N4BP2: variants seen among roughly 807,000 people sequenced by gnomAD.
N4BP2 encodes NEDD4 binding protein 2.
N4BP2 carries 91 observed loss-of-function variants against 152.8 expected under a neutral mutation model. The ratio of observed to expected loss-of-function variants is 0.60; its 90% CI spans 0.50 to 0.71. The LOEUF is 0.71. N4BP2 is among the 30% of genes least tolerant of loss of function. The pLI, the probability that N4BP2 is intolerant of heterozygous loss-of-function variation, is 0.00. For missense variants in N4BP2, 1,923 were observed against 2,059.1 expected, an observed-to-expected ratio of 0.93 and a Z score of 1.28; for synonymous variants, 646 against 705.3, an observed-to-expected ratio of 0.92 and a Z score of 1.33.
In N4BP2 at chr4:40,124,214, C is replaced by T. The variant is rs751675757; in HGVS notation, c.4330+9C>T. On this transcript the variant is annotated intron_variant, in intron 11 of 17. Transcript: ENST00000261435. ...TGGCAAGTTTATGCAAGGTAAAGCA[C>T]ATGTTTTTATTTCTAATGTCTTAAT... 2 of 1,594,258 alleles carry T rather than the reference C, an allele frequency of 1.3e-6. No homozygotes were observed. Among genetic ancestry groups the T allele is most frequent in the Non-Finnish European group, 1.7e-6 (2 of 1,166,100 alleles).
chr4:40,087,831 C>CT (rs1476039616), intron 2 of N4BP2, among the ~76,000 whole-genome samples: 2 of 151,916 alleles, frequency 1.3e-5, no homozygotes, highest in Non-Finnish European at 2.9e-5. Flanking sequence ...ACTGCAACCT[C>CT]TGTCTCCTGG....
intron 2 of N4BP2, among the ~76,000 whole-genome samples, chr4:40,081,720 A>G (rs1337113634): frequency 6.6e-6 from 1 of 152,166 alleles, no homozygotes; most frequent in Non-Finnish European, 1.5e-5. Flanking sequence ...TCATGCCTTT[A>G]ATCCCAGCAT....
At chr4:40,165,856 T>C in the N4BP2 span, among the ~76,000 whole-genome samples, 1 of 152,234 alleles carries the variant, frequency 6.6e-6, no homozygotes, top group African/African-American at 2.4e-5. Flanking sequence ...TCTTTCTGTC[T>C]TCCATTCTTA....
At chr4:40,122,386 T>G in intron 9 of N4BP2, 77 bp downstream of exon 9, 1 of 1,032,012 alleles carries the variant, frequency 9.7e-7, no homozygotes, top group Non-Finnish European at 1.4e-6. Context: ...TATTTTTTTT[T>G]TTTCTGAGAT....
Position 40,149,541 on chromosome 4 carries a change from T to C in N4BP2, c.5144-3239T>C, listed in dbSNP as rs566137569. ...GATGAATATGCTAAAAACCGCTTAA[T>C]TGCATATTTTAAAATGGTTAGTTTT... On this transcript the variant is annotated intron_variant, in intron 16 of 17. Coordinates refer to ENST00000261435, the MANE Select transcript of N4BP2 (RefSeq NM_018177.6). Among the ~76,000 whole-genome samples the C allele has an allele frequency of 7.2e-4, 109 of 152,286 alleles. 1 individual carries two copies. Among genetic ancestry groups the C allele is most frequent in the Admixed American group, 5.9e-3 (90 of 15,290 alleles).
chr4:40,169,704 C>T, the N4BP2 span, among the ~76,000 whole-genome samples: 12,731 of 149,048 alleles, frequency 0.085, 769 homozygotes, highest in East Asian at 0.26. Flanking sequence ...GTGGCTCTCG[C>T]TTGTAATCCC....
At chr4:40,084,210 C>T (rs1249481487) in intron 2 of N4BP2, among the ~76,000 whole-genome samples, 1 of 152,206 alleles carries the variant, frequency 6.6e-6, no homozygotes, top group African/African-American at 2.4e-5. Flanking sequence ...CTTGGCCTCT[C>T]AAAGTACTGG....
intron 11 of N4BP2, 115 bp downstream of exon 11, chr4:40,124,320 T>G (rs1202075106): frequency 1.7e-6 from 1 of 583,602 alleles, no homozygotes; most frequent in Non-Finnish European, 3.0e-6. Flanking sequence ...AATTTTGATT[T>G]GCAAATAAAA....
intron 3 of N4BP2, among the ~76,000 whole-genome samples, chr4:40,098,945 T>A (rs1715355846): frequency 6.6e-6 from 1 of 152,242 alleles, no homozygotes; most frequent in Admixed American, 6.5e-5. Context: ...TCTGTATTTT[T>A]AATGGGTTTC....
At chr4:40,128,053 T>C (rs912710870) in intron 12 of N4BP2, among the ~76,000 whole-genome samples, 1 of 152,218 alleles carries the variant, frequency 6.6e-6, no homozygotes, top group African/African-American at 2.4e-5. Context: ...TCACTTTGAA[T>C]TTTATTTTTG....
At chr4:40,090,456 A>G (rs565384279) in intron 2 of N4BP2, among the ~76,000 whole-genome samples, 11 of 152,222 alleles carry the variant, frequency 7.2e-5, no homozygotes, top group African/African-American at 2.2e-4. Context: ...TTGTTTTCTT[A>G]GATTTATACC....
At chr4:40,113,219 A>G (rs945301307) in intron 6 of N4BP2, among the ~76,000 whole-genome samples, 3 of 152,226 alleles carry the variant, frequency 2.0e-5, no homozygotes, top group Non-Finnish European at 4.4e-5. Context: ...TAATGTATGT[A>G]TTATATAAAT....
At position 40,071,881 on chromosome 4, in the gene N4BP2, T is replaced by TA. The variant is rs201245314; in HGVS notation, c.-211-1568dup. On this transcript the variant is annotated intron_variant, in intron 1 of 17. Coordinates refer to ENST00000261435, the MANE Select transcript of N4BP2 (RefSeq NM_018177.6). ...GCCCCCGGCCTCAAATTTCTTTTTT[T>TA]AAAAAACATTTTTATTTTATTTTAT... is the stretch of plus-strand genomic sequence containing the variant. 2.8e-3 allele frequency among the ~76,000 whole-genome samples: 429 copies of TA among 152,124 alleles called. 7 individuals carry two copies. Among genetic ancestry groups the TA allele is most frequent in the Admixed American group, 0.021 (327 of 15,260 alleles).
intron 16 of N4BP2, among the ~76,000 whole-genome samples, chr4:40,149,322 G>A (rs1000344669): frequency 6.6e-6 from 1 of 152,192 alleles, no homozygotes; most frequent in Admixed American, 6.5e-5. Flanking sequence ...GATGAAGGCA[G>A]ATAAAAAGCC....
At chr4:40,067,535 T>G (rs185012950) in intron 1 of N4BP2, among the ~76,000 whole-genome samples, 2 of 152,208 alleles carry the variant, frequency 1.3e-5, no homozygotes, top group East Asian at 3.9e-4. Context: ...TTAATTATTT[T>G]GGATATGTAC....
chr4:40,181,478 G>T, the N4BP2 span, among the ~76,000 whole-genome samples: 1 of 152,164 alleles, frequency 6.6e-6, no homozygotes, highest in Admixed American at 6.5e-5. Context: ...ATAGAAGTTG[G>T]TTTTTCCCTA....
At chr4:40,086,131 A>AT (rs59899449) in intron 2 of N4BP2, among the ~76,000 whole-genome samples, 98,373 of 130,196 alleles carry the variant, frequency 0.76, 37,560 homozygotes, top group Admixed American at 0.81. Context: ...TGCCCGGCTA[A>AT]TTTTTTTTTT....
the N4BP2 span, among the ~76,000 whole-genome samples, chr4:40,168,168 AAATT>A: frequency 2.0e-5 from 3 of 152,306 alleles, no homozygotes; most frequent in South Asian, 2.1e-4. Flanking sequence ...GGAAAAAAGA[AAATT>A]AATGAGGTAA....
intron 2 of N4BP2, among the ~76,000 whole-genome samples, chr4:40,088,495 C>T (rs868017902): frequency 3.4e-5 from 5 of 146,106 alleles, no homozygotes; most frequent in Admixed American, 1.4e-4. Context: ...AGTAATATCT[C>T]ATTATAGTTT....
Sources: gnomAD v4.1 joint callset for allele counts (sites outside exome capture counted in the v4.1 genomes callset) on GRCh38, gnomAD v4.1.1 for gene constraint, MANE v1.5 for transcripts, NCBI Gene and HGNC (gene_info 2026-07-23, HGNC 2026-07-21) for gene names.